CD163L1: variants seen among roughly 807,000 people sequenced by gnomAD.
The protein encoded by CD163L1 is scavenger receptor cysteine-rich type 1 protein M160.
CD163L1 carries 124 observed loss-of-function variants against 165.4 expected under a neutral mutation model. The ratio of observed to expected loss-of-function variants is 0.75; its 90% CI spans 0.65 to 0.87. CD163L1 has a LOEUF of 0.87. CD163L1 is among the 40% of genes least tolerant of loss of function. The pLI is 0.00. For missense variants in CD163L1, 1,525 were observed against 1,799.9 expected (o/e 0.85, Z 2.76); for synonymous variants, 585 against 662.2 (o/e 0.88, Z 1.79).
the CD163L1 span, among the ~76,000 whole-genome samples, chr12:7,339,597 A>C: frequency 9.6e-4 from 146 of 152,252 alleles, 1 homozygote; most frequent in African/African-American, 3.2e-3. Flanking sequence ...TTCTGGTCTC[A>C]GTGAAACAGT....
intron 4 of CD163L1, among the ~76,000 whole-genome samples, chr12:7,413,898 G>A (rs750204842): frequency 4.6e-5 from 7 of 152,092 alleles, no homozygotes; most frequent in Non-Finnish European, 7.4e-5. Flanking sequence ...GGAACAAAAG[G>A]GGTGGATTAA....
chr12:7,415,705 C>T (rs949538962), intron 4 of CD163L1, among the ~76,000 whole-genome samples: 2 of 152,108 alleles, frequency 1.3e-5, no homozygotes, highest in African/African-American at 4.8e-5. Context: ...TGTTAGCTTG[C>T]TGAGAATGAT....
the CD163L1 span, among the ~76,000 whole-genome samples, chr12:7,332,478 T>C: frequency 2.8e-4 from 42 of 152,004 alleles, no homozygotes; most frequent in African/African-American, 9.9e-4. Flanking sequence ...AGACACATAA[T>C]TGTCAGATTC....
chr12:7,334,040 C>G, the CD163L1 span, among the ~76,000 whole-genome samples: 987 of 151,984 alleles, frequency 6.5e-3, 9 homozygotes, highest in African/African-American at 0.023. Context: ...GATGGATTCA[C>G]AGCCGAATTC....
At position 7,441,231 on chromosome 12, in the gene CD163L1, C is replaced by T. The variant is rs778663140; in HGVS notation, c.47G>A (p.Cys16Tyr). 1 of 1,613,762 alleles carries T rather than the reference C, an allele frequency of 6.2e-7. No homozygotes were observed. Among genetic ancestry groups the T allele is most frequent in the South Asian group, 1.1e-5 (1 of 91,058 alleles). ...NSWHIDFGRC[C>Y]CHQNLFSAVV... Reference sequence around the variant, plus strand: ...AGCAGAGAAAAGGTTCTGATGACAGCAGCATCTTCCAAAATCTGGAGAAAC... The same window carrying T: ...AGCAGAGAAAAGGTTCTGATGACAGTAGCATCTTCCAAAATCTGGAGAAAC... Residue 16 changes from cysteine (C) to tyrosine (Y), a missense_variant, in exon 2 of 20, where the codon TGC becomes TAC. Transcript: ENST00000313599.
downstream of CD163L1, among the ~76,000 whole-genome samples, chr12:7,342,955 C>T (rs1435495573): frequency 2.6e-5 from 4 of 152,174 alleles, no homozygotes; most frequent in African/African-American, 9.7e-5. Flanking sequence ...CTTATCTTCA[C>T]CAATTTATAC....
Position 7,428,586 on chromosome 12 carries a change from T to C in CD163L1, c.766+3830A>G, listed in dbSNP as rs752105762. ...TATTTTGATATGATTTACCAGCTTCTGGACTAAAGCCCCGTTCCTCACTTC... is the reference window on the plus strand; with the variant it reads ...TATTTTGATATGATTTACCAGCTTCCGGACTAAAGCCCCGTTCCTCACTTC... On this transcript the variant is annotated intron_variant, in intron 4 of 19. Transcript: ENST00000313599. Among the ~76,000 whole-genome samples, 5 of 152,200 alleles carry C rather than the reference T, an allele frequency of 3.3e-5. No individual in the cohort carries two copies. In the East Asian group the frequency reaches 9.6e-4, roughly 29 times the overall value.
chr12:7,328,379 T>C, the CD163L1 span: 2 of 1,575,964 alleles, frequency 1.3e-6, no homozygotes, highest in Non-Finnish European at 1.7e-6. Context: ...GATAGTTTGA[T>C]AACAAAGCTG....
intron 2 of CD163L1, among the ~76,000 whole-genome samples, chr12:7,440,825 C>T (rs1380045026): frequency 2.0e-5 from 3 of 152,080 alleles, no homozygotes; most frequent in Non-Finnish European, 2.9e-5. Flanking sequence ...TGTGGTTTCA[C>T]TGTGTTGGCC....
intron 4 of CD163L1, among the ~76,000 whole-genome samples, chr12:7,417,531 T>G (rs779255894): frequency 6.6e-5 from 10 of 152,298 alleles, no homozygotes; most frequent in African/African-American, 2.4e-4. Context: ...CCATTCAGTA[T>G]GATATTGGCT....
chr12:7,421,052 T>A (rs1282676396), intron 4 of CD163L1, among the ~76,000 whole-genome samples: 1 of 92,876 alleles, frequency 1.1e-5, no homozygotes, highest in Non-Finnish European at 1.8e-5. Flanking sequence ...TATATATGTA[T>A]ATACGTATAT....
chr12:7,388,306 G>A (rs115618538), intron 8 of CD163L1, among the ~76,000 whole-genome samples: 1 of 152,230 alleles, frequency 6.6e-6, no homozygotes, highest in African/African-American at 2.4e-5. Context: ...CACAGCAAAG[G>A]GAACAATTAA....
intron 8 of CD163L1, among the ~76,000 whole-genome samples, chr12:7,391,748 T>C (rs928318156): frequency 5.3e-5 from 8 of 151,988 alleles, no homozygotes; most frequent in African/African-American, 1.9e-4. Context: ...ACAACTGGAA[T>C]GCAAAAAAGA....
chr12:7,379,198 A>G lies in CD163L1; in HGVS notation c.2151T>C (p.Asn717=), dbSNP rs1327182789. 2.5e-6 allele frequency: 4 copies of G among 1,614,074 alleles called. No homozygotes were observed. Among genetic ancestry groups the G allele is most frequent in the East Asian group, 2.2e-5 (1 of 44,902 alleles). ...VQGAVGILCA[N]GWGMNIAEVV... is the part of the protein sequence containing the mutation. ...CTTCAGCAATGTTCATTCCCCAGCCATTAGCACACAGAATTCCCACGGCAC... is the reference window on the plus strand; with the variant it reads ...CTTCAGCAATGTTCATTCCCCAGCCGTTAGCACACAGAATTCCCACGGCAC... The change falls in exon 9 of 20, where the codon AAT becomes AAC. Residue 717 remains asparagine (N), a synonymous_variant. Coordinates refer to ENST00000313599, the MANE Select transcript of CD163L1 (RefSeq NM_174941.6).
intron 19 of CD163L1, among the ~76,000 whole-genome samples, chr12:7,355,717 G>C (rs1946760227): frequency 6.6e-6 from 1 of 152,086 alleles, no homozygotes. Context: ...GAGGTCACAT[G>C]GGTGAGCCCT....
At chr12:7,320,886 T>A in the CD163L1 span, 3,967 of 1,225,036 alleles carry the variant, frequency 3.2e-3, 10 homozygotes, top group Non-Finnish European at 4.0e-3. Context: ...CAGCATAGGA[T>A]AGCTCAGGCT....
the CD163L1 span, chr12:7,320,735 C>T: frequency 2.5e-6 from 4 of 1,613,320 alleles, no homozygotes; most frequent in African/African-American, 4.0e-5. Flanking sequence ...ACACTTACTA[C>T]TTATCCCATC....
intron 2 of CD163L1, among the ~76,000 whole-genome samples, chr12:7,440,640 T>C (rs1948819019): frequency 1.3e-5 from 2 of 151,130 alleles, no homozygotes; most frequent in South Asian, 4.3e-4. Context: ...TTTTTTTTTT[T>C]TTTTGAGATG....
intron 4 of CD163L1, among the ~76,000 whole-genome samples, chr12:7,421,762 TA>T (rs60612698): frequency 0.52 from 73,575 of 142,628 alleles, 19,624 homozygotes; most frequent in Non-Finnish European, 0.58. Flanking sequence ...TATATATATA[TA>T]TATATATTTT....
Sources: allele counts gnomAD v4.1 joint callset (sites outside exome capture counted in the v4.1 genomes callset), GRCh38; gene constraint gnomAD v4.1.1; transcripts MANE v1.5; gene names NCBI Gene and HGNC (gene_info 2026-07-23, HGNC 2026-07-21).